The following LPAR1 variants were observed in gnomAD, a reference collection of about 807,000 sequenced individuals.
LPAR1 encodes the protein lysophosphatidic acid receptor 1.
A neutral mutation model predicts 23.8 loss-of-function variants in LPAR1; 5 were observed. The observed-to-expected ratio is 0.21, with a 90% confidence interval of 0.11 to 0.44. The LOEUF (loss-of-function observed/expected upper bound fraction) is 0.44. Among genes scored for constraint, LPAR1 ranks in the 20% least tolerant of loss-of-function variants. The probability of loss-of-function intolerance (pLI) is 0.99; values close to 1 mark genes in which losing one functional copy is unlikely to be tolerated. For synonymous variants in LPAR1, 160 were observed against 164.7 expected (o/e 0.97, Z 0.22); for missense variants, 311 against 482.8 (o/e 0.64, Z 3.33).
intron 5 of LPAR1, among the ~76,000 whole-genome samples, chr9:110,880,532 G>A (rs1280398506): frequency 1.3e-5 from 2 of 152,208 alleles, no homozygotes. Flanking sequence ...TAGAGACAGT[G>A]TCCAAGATTT....
At chr9:110,928,615 T>TAC (rs1255355021) in intron 5 of LPAR1, among the ~76,000 whole-genome samples, 241 of 152,232 alleles carry the variant, frequency 1.6e-3, no homozygotes, top group African/African-American at 5.8e-3. Context: ...CACATACATA[T>TAC]ACACACACAC....
chr9:110,967,740 G>C (rs2096270861), intron 4 of LPAR1, among the ~76,000 whole-genome samples: 1 of 152,158 alleles, frequency 6.6e-6, no homozygotes, highest in Non-Finnish European at 1.5e-5. Context: ...GATAATAAGA[G>C]AGAAGACATC....
intron 4 of LPAR1, among the ~76,000 whole-genome samples, chr9:110,961,020 T>C (rs1409537033): frequency 6.6e-6 from 1 of 152,158 alleles, no homozygotes; most frequent in East Asian, 1.9e-4. Context: ...AAATGGAATT[T>C]TGTATCTATT....
chr9:110,898,033 A>G (rs2087083795), intron 5 of LPAR1, among the ~76,000 whole-genome samples: 2 of 152,338 alleles, frequency 1.3e-5, no homozygotes, highest in South Asian at 4.1e-4. Context: ...GACAAGTCAG[A>G]TTTTCACTGG....
At position 110,892,810 on chromosome 9, in the gene LPAR1, AAGGAAGGAAGGAAGGAAGGC is replaced by A. The variant is rs1256591151; in HGVS notation, c.794-17108_794-17089del. 8.3e-3 allele frequency among the ~76,000 whole-genome samples: 868 copies of A among 104,756 alleles called. 7 individuals carry two copies. Among genetic ancestry groups the A allele is most frequent in the African/African-American group, 0.035 (764 of 21,902 alleles). The allele number at this position is 104,756 out of a possible 152,430, so 68.7% of individuals were successfully genotyped here. A position where few individuals can be genotyped will look rare whatever the true frequency, so the allele number is the denominator to read the frequency against. ...GAAGGAAGGAAGGAAGGAAGGAAGG[AAGGAAGGAAGGAAGGAAGGC>A]AGGCAGGCAGGCAGGCAGGCAGGCA... On this transcript the variant is annotated intron_variant, in intron 5 of 5. Coordinates refer to ENST00000683809, the MANE Select transcript of LPAR1 (RefSeq NM_001351411.2).
intron 5 of LPAR1, among the ~76,000 whole-genome samples, chr9:110,921,120 C>A (rs2093601345): frequency 1.3e-5 from 2 of 151,928 alleles, no homozygotes; most frequent in South Asian, 2.1e-4. Context: ...TGTGACAGAG[C>A]AAAACCCTGT....
chr9:110,983,157 G>A (rs2096709324), intron 2 of LPAR1, among the ~76,000 whole-genome samples: 1 of 151,938 alleles, frequency 6.6e-6, no homozygotes, highest in South Asian at 2.1e-4. Flanking sequence ...TCCCACCTCT[G>A]GGTATATATC....
intron 5 of LPAR1, among the ~76,000 whole-genome samples, chr9:110,925,517 G>C (rs1303872872): frequency 6.6e-6 from 1 of 152,108 alleles, no homozygotes; most frequent in South Asian, 2.1e-4. Flanking sequence ...TGAATTTCTG[G>C]ATAAATATAC....
intron 4 of LPAR1, among the ~76,000 whole-genome samples, chr9:110,961,637 A>AAAG (rs1554712943): frequency 6.9e-6 from 1 of 145,160 alleles, no homozygotes; most frequent in Admixed American, 6.9e-5. Flanking sequence ...AAAAAAAAAA[A>AAAG]AAAGAAAGAA....
At chr9:110,930,852 T>C (rs2094365474) in intron 5 of LPAR1, among the ~76,000 whole-genome samples, 3 of 152,056 alleles carry the variant, frequency 2.0e-5, no homozygotes, top group Admixed American at 2.0e-4. Context: ...GAGGCAGATG[T>C]TGCGGTGAAC....
chr9:110,922,585 A>C lies in LPAR1; in HGVS notation c.793+18836T>G, dbSNP rs2093702286. ...AATGGCTACTAATTTATCAGGACCT[A>C]TATACGTATTAAGTTGAATTAACTA... is the stretch of plus-strand genomic sequence containing the variant. On this transcript the variant is annotated intron_variant, in intron 5 of 5. Coordinates refer to ENST00000683809, the MANE Select transcript of LPAR1 (RefSeq NM_001351411.2). Among the ~76,000 whole-genome samples the C allele has an allele frequency of 4.6e-5, 7 of 152,234 alleles. 1 individual carries two copies. In the South Asian group the frequency reaches 1.4e-3, roughly 32 times the overall value.
chr9:111,027,415 G>A (rs1477024235), intron 2 of LPAR1, among the ~76,000 whole-genome samples: 1 of 152,152 alleles, frequency 6.6e-6, no homozygotes, highest in Non-Finnish European at 1.5e-5. Flanking sequence ...GCAAGAGGAT[G>A]GTTTGAGCCC....
chr9:110,946,309 A>T (rs1038609123), intron 4 of LPAR1, among the ~76,000 whole-genome samples: 4 of 152,298 alleles, frequency 2.6e-5, no homozygotes, highest in Admixed American at 6.5e-5. Flanking sequence ...TAATTGCCTA[A>T]AAAGAAAGGT....
rs544159617 is a variant in LPAR1 at position 110,962,145 on chromosome 9, T to C, written c.45+9928A>G. Among the ~76,000 whole-genome samples the C allele has an allele frequency of 7.2e-5, 11 of 152,298 alleles. No individual in the cohort carries two copies. The East Asian group carries it at 1.5e-3, about 21-fold the overall frequency. ...TTGAATGAGACAGTGGAATGATCTA[T>C]GGTTAAGTCTCTCCATCTTGACCTA... On this transcript the variant is annotated intron_variant, in intron 4 of 5. Transcript: ENST00000683809.
At chr9:111,038,716 C>A, upstream of LPAR1, 1 of 451,512 alleles carries the variant, frequency 2.2e-6, no homozygotes, top group Non-Finnish European at 4.5e-6. The surrounding 1 kb of genome is among the most constrained non-coding windows in gnomAD (Gnocchi z 4.4). Flanking sequence ...GCTCGACAGC[C>A]CACGGTGGTG....
intron 5 of LPAR1, among the ~76,000 whole-genome samples, chr9:110,935,472 T>C (rs1429865156): frequency 2.6e-5 from 4 of 151,820 alleles, no homozygotes; most frequent in Non-Finnish European, 5.9e-5. Flanking sequence ...AGAGCTGCAT[T>C]TGAAAAACTA....
chr9:111,019,697 T>C (rs2097525593), intron 2 of LPAR1, among the ~76,000 whole-genome samples: 1 of 151,286 alleles, frequency 6.6e-6, no homozygotes, highest in Non-Finnish European at 1.5e-5. Flanking sequence ...TACAAAAAAT[T>C]AGCCGGGCTT....
At chr9:111,016,126 C>A (rs2097439431) in intron 2 of LPAR1, among the ~76,000 whole-genome samples, 1 of 152,154 alleles carries the variant, frequency 6.6e-6, no homozygotes, top group Non-Finnish European at 1.5e-5. Flanking sequence ...ATCTACTCAT[C>A]TTTCCAGTCA....
chr9:111,029,375 A>G (rs1409189082), intron 2 of LPAR1, among the ~76,000 whole-genome samples: 1 of 152,092 alleles, frequency 6.6e-6, no homozygotes, highest in Non-Finnish European at 1.5e-5. Context: ...AATGGCATCA[A>G]CATGCCCTTT....
Sources: gnomAD v4.1 joint callset for allele counts (sites outside exome capture counted in the v4.1 genomes callset) on GRCh38, gnomAD v4.1.1 for gene constraint, Gnocchi (gnomAD v3.1) non-coding constraint, MANE v1.5 for transcripts, NCBI Gene and HGNC (gene_info 2026-07-23, HGNC 2026-07-21) for gene names.